Variants in MKNK1 observed in about 807,000 individuals in gnomAD.
MKNK1 encodes the protein MAP kinase-interacting serine/threonine-protein kinase 1.
Under a neutral mutation model 49.3 loss-of-function variants are expected in MKNK1, and 30 were observed. The ratio of observed to expected loss-of-function variants is 0.61; its 90% CI spans 0.46 to 0.83. The LOEUF is 0.83. MKNK1 is among the 40% of genes least tolerant of loss of function. The probability of loss-of-function intolerance (pLI) is 0.00; values close to 1 mark genes in which losing one functional copy is unlikely to be tolerated. For missense variants in MKNK1, 423 were observed against 524.7 expected (o/e 0.81, Z 1.89); for synonymous variants, 176 against 201.7 (o/e 0.87, Z 1.08).
At chr1:46,600,687 T>C (rs1470360444) in intron 1 of MKNK1, among the ~76,000 whole-genome samples, 1 of 152,216 alleles carries the variant, frequency 6.6e-6, no homozygotes, top group Non-Finnish European at 1.5e-5. Context: ...GTGACTGCCA[T>C]TAAAACCACA....
At chr1:46,567,639 C>A (rs1168707635) in intron 8 of MKNK1, among the ~76,000 whole-genome samples, 1 of 152,154 alleles carries the variant, frequency 6.6e-6, no homozygotes, top group African/African-American at 2.4e-5. Flanking sequence ...TTCAAGGCCA[C>A]CCCTTATTTA....
rs1266739214 is a variant in MKNK1 at position 46,575,031 on chromosome 1, G to A, written c.279-11C>T. ...AGCTCCAAAATGTTCCTTAAATAGGGAAAATAGGAGGAGAGGGAAAAGGGG... is the reference window on the plus strand; with the variant it reads ...AGCTCCAAAATGTTCCTTAAATAGGAAAAATAGGAGGAGAGGGAAAAGGGG... On this transcript the variant is annotated splice_polypyrimidine_tract_variant and intron_variant, in intron 5 of 12. Transcript: ENST00000371945. 1.3e-5 allele frequency: 21 copies of A among 1,568,026 alleles called. No homozygotes were observed. The highest frequency in any genetic ancestry group is 4.1e-5 in the African/African-American group (3 of 73,918).
chr1:46,564,924 G>T, intron 9 of MKNK1, 117 bp downstream of exon 9: 1 of 974,504 alleles, frequency 1.0e-6, no homozygotes, highest in Non-Finnish European at 1.6e-6. Context: ...TGATCACTCA[G>T]GCAGCAGGAA....
chr1:46,560,569 C>T (rs1400052546), intron 11 of MKNK1, among the ~76,000 whole-genome samples: 1 of 152,226 alleles, frequency 6.6e-6, no homozygotes, highest in African/African-American at 2.4e-5. Context: ...CTGTGACGCA[C>T]ATTTCCCCTT....
At chr1:46,566,367 T>A (rs893847469) in intron 8 of MKNK1, among the ~76,000 whole-genome samples, 4 of 152,284 alleles carry the variant, frequency 2.6e-5, no homozygotes, top group Admixed American at 2.0e-4. Context: ...TTCCATTGAA[T>A]GTATGTACCA....
At chr1:46,584,679 C>T (rs891982496) in intron 2 of MKNK1, 20 of 152,162 alleles carry the variant, frequency 1.3e-4, no homozygotes, top group African/African-American at 3.9e-4. Flanking sequence ...GACGCAAGTA[C>T]GTGACAGCCA....
chr1:46,574,446 T>A (rs1670658708), intron 6 of MKNK1: 1 of 152,582 alleles, frequency 6.6e-6, no homozygotes, highest in Non-Finnish European at 1.5e-5. Context: ...CACCTCATTA[T>A]GTCAGAAAAG....
intron 6 of MKNK1, among the ~76,000 whole-genome samples, chr1:46,573,152 C>CCGG (rs1670452259): frequency 6.6e-6 from 1 of 152,124 alleles, no homozygotes; most frequent in South Asian, 2.1e-4. Context: ...AGCAACTTGC[C>CCGG]CAAGATTACG....
At chr1:46,594,866 A>G (rs376933892) in intron 1 of MKNK1, 102 of 416,504 alleles carry the variant, frequency 2.4e-4, no homozygotes, top group South Asian at 1.6e-3. Flanking sequence ...GGTGGCACAC[A>G]CCTGTAGCTG....
rs1570168096 is a variant in MKNK1, at chr1:46,575,036, TAGG to T, written c.279-19_279-17del. 2.6e-6 allele frequency: 4 copies of T among 1,559,702 alleles called. No homozygotes were observed. Among genetic ancestry groups the T allele is most frequent in the African/African-American group, 1.4e-5 (1 of 73,540 alleles). ...CAAAATGTTCCTTAAATAGGGAAAA[TAGG>T]AGGAGAGGGAAAAGGGGGGAAATGG... On this transcript the variant is annotated splice_polypyrimidine_tract_variant and intron_variant, in intron 5 of 12. Coordinates refer to ENST00000371945, the MANE Select transcript of MKNK1 (RefSeq NM_001135553.4).
At chr1:46,560,577 C>A (rs1667777803) in intron 11 of MKNK1, among the ~76,000 whole-genome samples, 1 of 152,244 alleles carries the variant, frequency 6.6e-6, no homozygotes. Flanking sequence ...CACATTTCCC[C>A]TTCCCTGCCA....
At chr1:46,583,168 G>T in intron 3 of MKNK1, 60 bp downstream of exon 3, 1 of 1,346,458 alleles carries the variant, frequency 7.4e-7, no homozygotes, top group Non-Finnish European at 1.1e-6. Context: ...TGGCTCCCGG[G>T]ATGCTCCTCC....
chr1:46,567,573 G>A (rs115830668), intron 8 of MKNK1, among the ~76,000 whole-genome samples: 135 of 152,290 alleles, frequency 8.9e-4, no homozygotes, highest in African/African-American at 3.2e-3. Flanking sequence ...TCTTATTTGA[G>A]CGAATCCATT....
chr1:46,598,629 A>C (rs1674367747), intron 1 of MKNK1, among the ~76,000 whole-genome samples: 2 of 152,322 alleles, frequency 1.3e-5, no homozygotes, highest in Middle Eastern at 3.4e-3. Context: ...CTCAATTCTC[A>C]TAACAACCCC....
chr1:46,586,051 C>A (rs1240367335), intron 2 of MKNK1: 7 of 614,496 alleles, frequency 1.1e-5, no homozygotes, highest in South Asian at 1.1e-4. Context: ...CAGGGGGAAG[C>A]GAGAGGTGTC....
rs1234022575 is a variant in MKNK1, at chr1:46,586,193, A to G, written c.-2-2864T>C. 3.1e-5 allele frequency: 10 copies of G among 324,266 alleles called. 1 individual carries two copies. The highest frequency in any genetic ancestry group is 2.5e-4 in the South Asian group (10 of 39,732). 20.1% of individuals were successfully genotyped at this position (324,266 alleles called of 1,614,324 possible). On this transcript the variant is annotated intron_variant, in intron 2 of 12. Coordinates refer to ENST00000371945, the MANE Select transcript of MKNK1 (RefSeq NM_001135553.4). ...ACACTCATGGGATAAATGCTGCCTC[A>G]GGGAGTGGGACCCCCGCAGTAAAGC...
At chr1:46,592,626 ACAGGGAGAG>A (rs931713316) in intron 2 of MKNK1, among the ~76,000 whole-genome samples, 26 of 152,204 alleles carry the variant, frequency 1.7e-4, no homozygotes, top group South Asian at 2.1e-4. Context: ...TACAACAGAG[ACAGGGAGAG>A]CAGGGAGAGC....
chr1:46,596,966 A>G (rs1336415736), intron 1 of MKNK1, among the ~76,000 whole-genome samples: 1 of 152,210 alleles, frequency 6.6e-6, no homozygotes, highest in Non-Finnish European at 1.5e-5. Flanking sequence ...TTCTGGCACC[A>G]TTTAAAATTC....
At chr1:46,579,506 A>C (rs1441764371) in intron 4 of MKNK1, among the ~76,000 whole-genome samples, 2 of 152,222 alleles carry the variant, frequency 1.3e-5, no homozygotes, top group African/African-American at 4.8e-5. Context: ...CTTCTAACAC[A>C]TAGTAGCATT....
Sources: gnomAD v4.1 joint callset for allele counts (sites outside exome capture counted in the v4.1 genomes callset) on GRCh38, gnomAD v4.1.1 for gene constraint, MANE v1.5 for transcripts, NCBI Gene and HGNC (gene_info 2026-07-23, HGNC 2026-07-21) for gene names.